WDR59: variants seen among roughly 807,000 people sequenced by gnomAD.
WDR59 encodes GATOR2 complex protein WDR59.
Under a neutral mutation model 131.2 loss-of-function variants are expected in WDR59, and 100 were observed. The ratio of observed to expected loss-of-function variants is 0.76; its 90% confidence interval spans 0.65 to 0.90. The LOEUF is 0.90. Among genes scored for constraint, WDR59 ranks in the 40% least tolerant of loss-of-function variants. The probability of loss-of-function intolerance (pLI) is 0.00; values close to 1 mark genes in which losing one functional copy is unlikely to be tolerated. For synonymous variants in WDR59, 601 were observed against 466.2 expected (o/e 1.29, Z -3.72); for missense variants, 1,203 against 1,262.2 (o/e 0.95, Z 0.71).
intron 1 of WDR59, among the ~76,000 whole-genome samples, chr16:74,966,783 A>G (rs1010210726): frequency 1.2e-4 from 19 of 152,164 alleles, no homozygotes; most frequent in African/African-American, 4.6e-4. Flanking sequence ...AGTGCATTTA[A>G]CTGGTTTCTA....
chr16:74,887,167 A>G (rs1964809313), intron 23 of WDR59, among the ~76,000 whole-genome samples: 1 of 152,214 alleles, frequency 6.6e-6, no homozygotes, highest in Non-Finnish European at 1.5e-5. Flanking sequence ...TTTCTTCTCT[A>G]ATACTTTTTG....
At chr16:74,892,639 G>A (rs2144830161) in intron 19 of WDR59, 74 bp from the exon 20 acceptor site, 1 of 1,223,774 alleles carries the variant, frequency 8.2e-7, no homozygotes, top group Non-Finnish European at 1.2e-6. Flanking sequence ...CAGTTTAACA[G>A]ACAGATGAGA....
intron 21 of WDR59, among the ~76,000 whole-genome samples, chr16:74,888,603 A>C (rs1348694759): frequency 6.6e-6 from 1 of 152,244 alleles, no homozygotes; most frequent in Non-Finnish European, 1.5e-5. Context: ...TTAAACATGA[A>C]TGTGGCTTCT....
chr16:74,913,416 T>C (rs1422532740), intron 13 of WDR59, among the ~76,000 whole-genome samples: 2 of 152,038 alleles, frequency 1.3e-5, no homozygotes, highest in Non-Finnish European at 2.9e-5. Context: ...CAGGCCACCA[T>C]GCCCAGCAAA....
In WDR59 at chr16:74,882,544, C is replaced by G. The variant is rs151030234; in HGVS notation, c.2689+3109G>C. On this transcript the variant is annotated intron_variant, in intron 25 of 25. Transcript: ENST00000262144. ...GGCCAGTAGTTCGAGACCAGCCTGG[C>G]CAACATAGCGAAACCCCGTCTCTAC... Among the ~76,000 whole-genome samples the G allele has an allele frequency of 2.3e-3, 347 of 152,172 alleles. 1 individual carries two copies. The highest frequency in any genetic ancestry group is 7.4e-3 in the African/African-American group (306 of 41,514).
At chr16:74,875,251 C>T (rs1265563850) in intron 25 of WDR59, among the ~76,000 whole-genome samples, 1 of 152,230 alleles carries the variant, frequency 6.6e-6, no homozygotes, top group Non-Finnish European at 1.5e-5. Context: ...AAAACCTGCT[C>T]TATCTACTCT....
At chr16:74,885,176 T>C (rs997718081) in intron 25 of WDR59, among the ~76,000 whole-genome samples, 1 of 151,988 alleles carries the variant, frequency 6.6e-6, no homozygotes, top group Non-Finnish European at 1.5e-5. Flanking sequence ...ATCCTGGGCA[T>C]GCGCCATGGC....
Position 74,940,993 on chromosome 16 carries a change from C to G in WDR59, c.534+1745G>C, listed in dbSNP as rs541296205. Among the ~76,000 whole-genome samples, 22 of 151,880 alleles carry G rather than the reference C, an allele frequency of 1.4e-4. No individual in the cohort carries two copies. The South Asian group carries it at 4.6e-3, about 32-fold the overall frequency. ...TGCTGGGATTACAGGTGTGAGCCAC[C>G]GCGCCCAGCCGAAAATGCTGTTATA... On this transcript the variant is annotated intron_variant, in intron 7 of 25. Coordinates refer to ENST00000262144, the MANE Select transcript of WDR59 (RefSeq NM_030581.4).
At chr16:74,970,941 C>T (rs1244795044) in intron 1 of WDR59, among the ~76,000 whole-genome samples, 2 of 151,720 alleles carry the variant, frequency 1.3e-5, no homozygotes, top group Non-Finnish European at 2.9e-5. Flanking sequence ...CTCCCAGCTA[C>T]TTGGGGGGCT....
chr16:74,884,546 C>T (rs1172118794), intron 25 of WDR59, among the ~76,000 whole-genome samples: 3 of 152,188 alleles, frequency 2.0e-5, no homozygotes, highest in Non-Finnish European at 4.4e-5. Flanking sequence ...CGGGGTTTCA[C>T]CATGTTGGCC....
At chr16:74,983,033 A>G (rs893727043) in intron 1 of WDR59, among the ~76,000 whole-genome samples, 1 of 152,200 alleles carries the variant, frequency 6.6e-6, no homozygotes, top group Non-Finnish European at 1.5e-5. Context: ...GGTATTTGAT[A>G]AATATTAGTT....
At chr16:74,983,021 A>G (rs2034487617) in intron 1 of WDR59, among the ~76,000 whole-genome samples, 1 of 152,238 alleles carries the variant, frequency 6.6e-6, no homozygotes, top group Non-Finnish European at 1.5e-5. Flanking sequence ...TGGCACACAG[A>G]AGGTATTTGA....
chr16:74,888,300 G>A lies in WDR59; in HGVS notation c.2215C>T (p.Leu739Phe). ...ATCGCCAGTGTCTGAACATCCCGGA[G>A]CCGGCAATAGTGAGCCAACCTGAGG... ...LESLLAHYCR[L>F]RDVQTLAMLC... The change falls in exon 22 of 26, where the codon CTC becomes TTC. Residue 739 changes from leucine (L) to phenylalanine (F), a missense_variant. Transcript: ENST00000262144. 6.2e-7 allele frequency: 1 copy of A among 1,613,442 alleles called. No individual in the cohort carries two copies. Among genetic ancestry groups the A allele is most frequent in the Non-Finnish European group, 8.5e-7 (1 of 1,179,742 alleles).
intron 1 of WDR59, among the ~76,000 whole-genome samples, chr16:74,984,017 C>CT (rs1389998940): frequency 2.0e-5 from 3 of 152,112 alleles, no homozygotes; most frequent in Non-Finnish European, 4.4e-5. Flanking sequence ...TGGCCCACGC[C>CT]TGTAATCCCA....
intron 8 of WDR59, among the ~76,000 whole-genome samples, chr16:74,933,584 C>CTTTA (rs1406588857): frequency 6.6e-6 from 1 of 151,892 alleles, no homozygotes; most frequent in African/African-American, 2.4e-5. Context: ...CATTTCTTAT[C>CTTTA]TTTATTTATT....
intron 2 of WDR59, among the ~76,000 whole-genome samples, chr16:74,960,329 T>C (rs1408906084): frequency 6.6e-6 from 1 of 150,698 alleles, no homozygotes; most frequent in Non-Finnish European, 1.5e-5. Flanking sequence ...AAACTCCATC[T>C]AAAAAAAAGA....
rs2032901618 is a variant in WDR59, at chr16:74,950,012, C to T, written c.327-214G>A. ...CCTTCGCCAGCTATACCATCATCTGCTCCCAGAAAAGAAATGGAGTGCTTC... is the reference window on the plus strand; with the variant it reads ...CCTTCGCCAGCTATACCATCATCTGTTCCCAGAAAAGAAATGGAGTGCTTC... On this transcript the variant is annotated intron_variant, in intron 4 of 25. Transcript: ENST00000262144. 6.6e-6 allele frequency: 4 copies of T among 606,758 alleles called. No homozygotes were observed. In the African/African-American group the frequency reaches 7.3e-5, roughly 11 times the overall value. 37.6% of individuals were successfully genotyped at this position (606,758 alleles called of 1,614,324 possible).
chr16:74,948,633 C>A, intron 5 of WDR59, 77 bp from the exon 6 acceptor site: 2 of 1,205,522 alleles, frequency 1.7e-6, no homozygotes, highest in Non-Finnish European at 2.5e-6. Context: ...CCTTTGCACA[C>A]AATTCTTCGC....
intron 1 of WDR59, among the ~76,000 whole-genome samples, chr16:74,982,699 G>A (rs750259089): frequency 1.8e-4 from 28 of 152,160 alleles, no homozygotes; most frequent in Non-Finnish European, 3.4e-4. Flanking sequence ...GGAGTCTGGC[G>A]CCTCCCTAGG....
Sources: gnomAD v4.1 joint callset for allele counts (sites outside exome capture counted in the v4.1 genomes callset) on GRCh38, gnomAD v4.1.1 for gene constraint, MANE v1.5 for transcripts, NCBI Gene and HGNC (gene_info 2026-07-23, HGNC 2026-07-21) for gene names.